The following LGSN variants were observed in gnomAD, a reference collection of about 807,000 sequenced individuals.
LGSN encodes the protein lengsin, lens protein with glutamine synthetase domain.
In LGSN, 21 loss-of-function variants were observed where a neutral mutation model predicts 19.5. The ratio of observed to expected loss-of-function variants is 1.07; its 90% CI spans 0.76 to 1.55. The LOEUF is 1.55. LGSN is among the 40% of genes most tolerant of loss of function. The pLI, the probability that LGSN is intolerant of heterozygous loss-of-function variation, is 0.00. For synonymous variants in LGSN, 257 were observed against 215.6 expected, an observed-to-expected ratio of 1.19 and a Z score of -1.68; for missense variants, 673 against 608.5, an observed-to-expected ratio of 1.11 and a Z score of -1.12.
At chr6:63,573,427 G>T in the LGSN span, 3 of 152,174 alleles carry the variant, frequency 2.0e-5, no homozygotes, top group Admixed American at 6.5e-5. Context: ...GCCGGGACCC[G>T]AGCCTCAGAC....
the LGSN span, among the ~76,000 whole-genome samples, chr6:63,534,797 G>GTAAAGAATTTCATAAAGAATTTCTTTAC: frequency 1.3e-5 from 2 of 151,864 alleles, no homozygotes; most frequent in South Asian, 2.1e-4. Flanking sequence ...AATTTCTTTA[G>GTAAAGAATTTCATAAAGAATTTCTTTAC]TAAAGAATTT....
chr6:63,499,714 A>T, the LGSN span, among the ~76,000 whole-genome samples: 1 of 152,086 alleles, frequency 6.6e-6, no homozygotes, highest in Non-Finnish European at 1.5e-5. Context: ...TGTCGTTAAA[A>T]GCCTTCTGCT....
At chr6:63,436,193 C>A in the LGSN span, among the ~76,000 whole-genome samples, 3 of 152,096 alleles carry the variant, frequency 2.0e-5, no homozygotes, top group African/African-American at 7.2e-5. Flanking sequence ...TTCTTCAGAA[C>A]TTTTATTAGC....
At chr6:63,525,709 C>G in the LGSN span, among the ~76,000 whole-genome samples, 1 of 152,180 alleles carries the variant, frequency 6.6e-6, no homozygotes, top group Non-Finnish European at 1.5e-5. Flanking sequence ...CCTTTCCCCC[C>G]AGGCCTAGTG....
At chr6:63,418,341 T>C in the LGSN span, among the ~76,000 whole-genome samples, 1 of 152,054 alleles carries the variant, frequency 6.6e-6, no homozygotes, top group African/African-American at 2.4e-5. Flanking sequence ...GGTGGGTGGA[T>C]CGCAAGGTCA....
rs1054872495 is a variant in LGSN, at chr6:63,311,270, G to A, written c.30+8644C>T. ...GTACAATGGTTTTGGCACACATCAAGTAGAAACTTTGCTGTACTTTAAGTT... is the reference window on the plus strand; with the variant it reads ...GTACAATGGTTTTGGCACACATCAAATAGAAACTTTGCTGTACTTTAAGTT... On this transcript the variant is annotated intron_variant, in intron 1 of 3. Coordinates refer to ENST00000370657, the MANE Select transcript of LGSN (RefSeq NM_016571.3). Among the ~76,000 whole-genome samples the A allele has an allele frequency of 4.6e-5, 7 of 152,156 alleles. No homozygotes were observed. The South Asian group carries it at 1.4e-3, about 31-fold the overall frequency.
the LGSN span, among the ~76,000 whole-genome samples, chr6:63,371,710 G>A: frequency 6.6e-6 from 1 of 152,176 alleles, no homozygotes; most frequent in Non-Finnish European, 1.5e-5. Flanking sequence ...AGAGTTATTA[G>A]TCAAATAGGG....
At chr6:63,462,589 C>T in the LGSN span, among the ~76,000 whole-genome samples, 4 of 152,138 alleles carry the variant, frequency 2.6e-5, no homozygotes, top group African/African-American at 9.7e-5. Flanking sequence ...GAGCTGAGAT[C>T]GCACCACTGC....
chr6:63,488,194 C>T, the LGSN span, among the ~76,000 whole-genome samples: 1 of 152,070 alleles, frequency 6.6e-6, no homozygotes, highest in African/African-American at 2.4e-5. Context: ...GGTCTGGGAG[C>T]TTGATATTGA....
At chr6:63,478,704 A>G in the LGSN span, among the ~76,000 whole-genome samples, 1 of 152,244 alleles carries the variant, frequency 6.6e-6, no homozygotes, top group Non-Finnish European at 1.5e-5. Context: ...TCAAGAATTT[A>G]AACTTATTTC....
chr6:63,415,643 A>C, the LGSN span, among the ~76,000 whole-genome samples: 2 of 152,224 alleles, frequency 1.3e-5, no homozygotes, highest in Admixed American at 6.5e-5. Flanking sequence ...GATTATGAGG[A>C]CTATAATTCA....
At chr6:63,293,820 C>G (rs1355983697) in intron 2 of LGSN, 3 of 454,764 alleles carry the variant, frequency 6.6e-6, no homozygotes, top group African/African-American at 4.0e-5. Context: ...GCTTGTGTTC[C>G]CTAATTTGTG....
chr6:63,470,625 T>C, the LGSN span, among the ~76,000 whole-genome samples: 81 of 152,276 alleles, frequency 5.3e-4, no homozygotes, highest in African/African-American at 1.6e-3. Flanking sequence ...AGGGCATTTT[T>C]ATCCGCACCC....
chr6:63,390,859 CAAAA>C, the LGSN span, among the ~76,000 whole-genome samples: 13 of 50,512 alleles, frequency 2.6e-4, no homozygotes, highest in Admixed American at 1.4e-3. Context: ...GACTCCATCT[CAAAA>C]AAAAAAAAAA....
At chr6:63,382,089 TTCA>T in the LGSN span, among the ~76,000 whole-genome samples, 1 of 152,308 alleles carries the variant, frequency 6.6e-6, no homozygotes, top group African/African-American at 2.4e-5. Context: ...GCTTCTCACT[TTCA>T]AGAGGAAACA....
the LGSN span, among the ~76,000 whole-genome samples, chr6:63,330,920 AC>A: frequency 2.1e-4 from 32 of 152,138 alleles, no homozygotes; most frequent in Admixed American, 1.9e-3. Flanking sequence ...TTTGCCCTAG[AC>A]CCTGTAGGAC....
At chr6:63,565,741 T>C in the LGSN span, among the ~76,000 whole-genome samples, 1 of 152,206 alleles carries the variant, frequency 6.6e-6, no homozygotes, top group Non-Finnish European at 1.5e-5. Context: ...AATTTCTGTG[T>C]CTAAATTTCC....
chr6:63,494,197 G>A, the LGSN span, among the ~76,000 whole-genome samples: 3 of 152,068 alleles, frequency 2.0e-5, no homozygotes, highest in South Asian at 2.1e-4. Flanking sequence ...TGATCCGCCC[G>A]CCTCAGCCTC....
chr6:63,311,157 C>T (rs556859368), intron 1 of LGSN, among the ~76,000 whole-genome samples: 34 of 152,294 alleles, frequency 2.2e-4, no homozygotes, highest in African/African-American at 7.9e-4. Flanking sequence ...TCTCCTGTTA[C>T]AATTCTTTGA....
Sources: gnomAD v4.1 joint callset for allele counts (sites outside exome capture counted in the v4.1 genomes callset) on GRCh38, gnomAD v4.1.1 for gene constraint, MANE v1.5 for transcripts, NCBI Gene and HGNC (gene_info 2026-07-23, HGNC 2026-07-21) for gene names.